The following DNAH6 variants were observed in gnomAD, a reference collection of about 807,000 sequenced individuals.
DNAH6 encodes dynein axonemal heavy chain 6.
A neutral mutation model predicts 491.4 loss-of-function variants in DNAH6; 340 were observed. The ratio of observed to expected loss-of-function variants is 0.69; its 90% CI spans 0.63 to 0.76. DNAH6 has a LOEUF of 0.76. Ranked by LOEUF, DNAH6 falls within the 30% of genes least tolerant of loss-of-function variation. DNAH6 has a pLI of 0.00. For missense variants in DNAH6, 4,443 were observed against 4,972.2 expected, an observed-to-expected ratio of 0.89 and a Z score of 3.20; for synonymous variants, 1,603 against 1,686.1, an observed-to-expected ratio of 0.95 and a Z score of 1.21.
intron 20 of DNAH6, 132 bp downstream of exon 20, chr2:84,605,724 C>A: frequency 3.4e-6 from 2 of 584,390 alleles, no homozygotes; most frequent in Non-Finnish European, 3.0e-6. Context: ...ATTGGGAAAG[C>A]AAAATGAATG....
intron 19 of DNAH6, 103 bp downstream of exon 19, chr2:84,604,654 C>T (rs950507907): frequency 6.3e-6 from 5 of 799,806 alleles, no homozygotes; most frequent in Non-Finnish European, 7.9e-6. Context: ...TTGCAGCTTT[C>T]ACTCTCTCAT....
At chr2:84,801,512 C>A (rs1678909044) in intron 70 of DNAH6, among the ~76,000 whole-genome samples, 1 of 152,074 alleles carries the variant, frequency 6.6e-6, no homozygotes, top group African/African-American at 2.4e-5. Context: ...GGAATCCTAT[C>A]AGAGTAAGAG....
At chr2:84,523,570 A>G (rs1305562534) in intron 2 of DNAH6, among the ~76,000 whole-genome samples, 1 of 151,800 alleles carries the variant, frequency 6.6e-6, no homozygotes, top group Admixed American at 6.6e-5. Flanking sequence ...AGATCTTTCT[A>G]ATTTTTTATA....
intron 17 of DNAH6, among the ~76,000 whole-genome samples, chr2:84,594,558 A>G (rs1208811739): frequency 6.6e-6 from 1 of 152,178 alleles, no homozygotes; most frequent in Non-Finnish European, 1.5e-5. Flanking sequence ...AGAGAGCCAA[A>G]TATCAACAGC....
intron 18 of DNAH6, among the ~76,000 whole-genome samples, chr2:84,603,541 G>A (rs541698110): frequency 6.6e-6 from 1 of 152,216 alleles, no homozygotes; most frequent in East Asian, 1.9e-4. Context: ...TGGCAGAGGT[G>A]AGAAGGAACA....
chr2:84,707,483 T>G, intron 53 of DNAH6, 37 bp from the exon 54 acceptor site: 1 of 1,480,832 alleles, frequency 6.8e-7, no homozygotes, highest in South Asian at 1.3e-5. Flanking sequence ...ATGAAAATAT[T>G]TAATAGTATA....
At chr2:84,738,337 A>C (rs1487889849) in intron 62 of DNAH6, among the ~76,000 whole-genome samples, 1 of 152,090 alleles carries the variant, frequency 6.6e-6, no homozygotes, top group Admixed American at 6.5e-5. Context: ...TGTTAGGGAG[A>C]GTATTCTGTA....
chr2:84,718,012 T>G (rs189380321), intron 58 of DNAH6, among the ~76,000 whole-genome samples, 192 bp from the exon 59 acceptor site: 17 of 152,262 alleles, frequency 1.1e-4, no homozygotes, highest in African/African-American at 4.1e-4. Flanking sequence ...AGAATTGACA[T>G]GTAGTTGAGT....
chr2:84,589,621 A>G (rs936530736), intron 16 of DNAH6, among the ~76,000 whole-genome samples: 1 of 149,260 alleles, frequency 6.7e-6, no homozygotes, highest in East Asian at 2.1e-4. Flanking sequence ...CTAAACGGGG[A>G]GGATCATTTG....
At chr2:84,617,269 G>T (rs1273810254) in intron 23 of DNAH6, among the ~76,000 whole-genome samples, 2 of 151,894 alleles carry the variant, frequency 1.3e-5, no homozygotes, top group Non-Finnish European at 2.9e-5. Context: ...AACATGTTTT[G>T]ACATAGGCGT....
intron 63 of DNAH6, among the ~76,000 whole-genome samples, chr2:84,753,335 C>T (rs1435833076): frequency 2.0e-5 from 3 of 151,994 alleles, no homozygotes; most frequent in Admixed American, 2.0e-4. Flanking sequence ...GCTGTCTTTT[C>T]GCTTTCTTGG....
rs2104751270 is a variant in DNAH6, at chr2:84,685,335, A to T, written c.6926A>T (p.Gln2309Leu). 1 of 1,490,784 alleles carries T rather than the reference A, an allele frequency of 6.7e-7. No individual in the cohort carries two copies. The highest frequency in any genetic ancestry group is 9.0e-7 in the Non-Finnish European group (1 of 1,114,142). 92.3% of individuals were successfully genotyped at this position (1,490,784 alleles called of 1,614,324 possible). The change falls in exon 43 of 77, where the codon CAA (glutamine) becomes CTA (leucine). Residue 2309 changes from glutamine (Q) to leucine (L), a missense_variant. Physicochemically the swap from Gln to Leu is moderately radical, Grantham distance 113. Around this residue, in one of 3 missense-constraint regions of DNAH6, gnomAD observed 2,977 missense variants for 3,296.6 expected, o/e 0.90. Coordinates refer to ENST00000389394, the MANE Select transcript of DNAH6 (RefSeq NM_001370.2). The stretch of plus-strand genomic sequence containing the variant: ...TTTTCTTAAAAAACAGGTATCCTCC[A>T]ATGTGATCCAGGAACAATAAGAGAA... ...DLSKCVQGIL[Q>L]CDPGTIREEI...
rs911426261 is a variant in DNAH6, at chr2:84,707,530, G to A, written c.8862G>A (p.Met2954Ile). 2 of 1,550,748 alleles carry A rather than the reference G, an allele frequency of 1.3e-6. No homozygotes were observed. The highest frequency in any genetic ancestry group is 2.4e-5 in the South Asian group (2 of 83,860). The stretch of plus-strand genomic sequence containing the variant: ...TTAAAATTTTTCTAGCAAAGACCAT[G>A]GCCCTGACAAAAGCACGTCTAGTAC... ...VNEKESLAKT[M>I]ALTKARLVRA... is the part of the protein sequence containing the mutation. Residue 2954 changes from methionine to isoleucine, a missense_variant, in exon 54 of 77, where the codon ATG becomes ATA. By Grantham distance (10) the Met-to-Ile change is conservative (BLOSUM62 1). Transcript: ENST00000389394.
At chr2:84,800,665 A>G (rs1382347060) in intron 70 of DNAH6, among the ~76,000 whole-genome samples, 4 of 152,204 alleles carry the variant, frequency 2.6e-5, no homozygotes, top group African/African-American at 9.6e-5. Flanking sequence ...TTCAGAGCTC[A>G]AAGTTTGGTC....
intron 12 of DNAH6, among the ~76,000 whole-genome samples, chr2:84,573,795 G>A (rs924807533): frequency 6.6e-5 from 10 of 152,046 alleles, no homozygotes; most frequent in African/African-American, 2.4e-4. Flanking sequence ...TTTTATTTCA[G>A]GATATTATGG....
chr2:84,614,400 A>G (rs1483855677), intron 22 of DNAH6, among the ~76,000 whole-genome samples: 1 of 152,036 alleles, frequency 6.6e-6, no homozygotes, highest in Non-Finnish European at 1.5e-5. Flanking sequence ...ATACCATGGT[A>G]TATCTACACA....
chr2:84,590,787 C>T (rs918066694), intron 16 of DNAH6, among the ~76,000 whole-genome samples: 7 of 152,138 alleles, frequency 4.6e-5, no homozygotes, highest in Admixed American at 6.5e-5. Flanking sequence ...CAGTGTTACA[C>T]AATTAGGAGG....
At chr2:84,636,380 G>A (rs1688879728) in intron 30 of DNAH6, among the ~76,000 whole-genome samples, 1 of 152,066 alleles carries the variant, frequency 6.6e-6, no homozygotes, top group Non-Finnish European at 1.5e-5. Context: ...CCTTCTTCAG[G>A]TCCCAAGCAG....
chr2:84,613,570 A>G (rs1686539941), intron 22 of DNAH6, among the ~76,000 whole-genome samples: 1 of 152,180 alleles, frequency 6.6e-6, no homozygotes, highest in Non-Finnish European at 1.5e-5. Flanking sequence ...AAGGAGCTGT[A>G]GTTTAGTGAT....
Sources: gnomAD v4.1 joint callset for allele counts (sites outside exome capture counted in the v4.1 genomes callset) on GRCh38, gnomAD v4.1.1 for gene constraint, gnomAD v4.1.1 regional missense constraint, MANE v1.5 for transcripts, NCBI Gene and HGNC (gene_info 2026-07-23, HGNC 2026-07-21) for gene names.